Variants in EFCAB6 observed in about 807,000 individuals in gnomAD.
EFCAB6 encodes EF-hand calcium binding domain 6, also known as EF-hand calcium-binding domain-containing protein 6.
A neutral mutation model predicts 169.8 loss-of-function variants in EFCAB6; 156 were observed. That is an observed-to-expected ratio of 0.92 (90% CI 0.81 to 1.05). EFCAB6 has a LOEUF of 1.05. Among genes scored for constraint, EFCAB6 ranks in the 50% least tolerant of loss-of-function variants. The pLI is 0.00. For synonymous variants in EFCAB6, 698 were observed against 676.4 expected, an observed-to-expected ratio of 1.03 and a Z score of -0.50; for missense variants, 1,800 against 1,829.1, an observed-to-expected ratio of 0.98 and a Z score of 0.29.
chr22:43,772,752 A>G (rs2061514323), intron 4 of EFCAB6, 140 bp downstream of exon 4: 1 of 814,660 alleles, frequency 1.2e-6, no homozygotes, highest in Non-Finnish European at 1.9e-6. Context: ...ATCAGCCTTA[A>G]TTAACTGAAT....
At chr22:43,805,095 G>C (rs1358619787) in intron 2 of EFCAB6, among the ~76,000 whole-genome samples, 2 of 152,084 alleles carry the variant, frequency 1.3e-5, no homozygotes, top group Non-Finnish European at 2.9e-5. Flanking sequence ...GAAAAAGAAA[G>C]CAAGGAAGCA....
chr22:43,530,956 G>A lies in EFCAB6; in HGVS notation c.4242C>T (p.Ala1414=), dbSNP rs527255915. The A allele has an allele frequency of 5.0e-6, 8 of 1,614,020 alleles. No homozygotes were observed. Among genetic ancestry groups the A allele is most frequent in the Admixed American group, 3.3e-5 (2 of 60,004 alleles). The change falls in exon 31 of 32, where the codon GCC becomes GCT. Residue 1414 remains alanine (A), a synonymous_variant. Transcript: ENST00000262726. The stretch of plus-strand genomic sequence containing the variant: ...AGTAAAAAGATGGCGTCTCCGCGCC[G>A]GCTTCTTTCTAGACACAAGACAAGA... ...KIQNAHKMKE[A]GAETPSFYSA... is the part of the protein sequence containing the mutation.
chr22:43,683,654 G>T (rs770315353), intron 12 of EFCAB6, 93 bp downstream of exon 12: 4 of 913,740 alleles, frequency 4.4e-6, no homozygotes, highest in South Asian at 1.4e-5. Flanking sequence ...ATGGATAAAT[G>T]AACGAATATG....
At chr22:43,611,628 C>T (rs2053311538) in intron 21 of EFCAB6, among the ~76,000 whole-genome samples, 1 of 152,088 alleles carries the variant, frequency 6.6e-6, no homozygotes, top group Non-Finnish European at 1.5e-5. Context: ...GAAACCCTAT[C>T]TCCACAAAAA....
chr22:43,759,672 A>C (rs1398955915), intron 5 of EFCAB6: 1 of 152,180 alleles, frequency 6.6e-6, no homozygotes, highest in Non-Finnish European at 1.5e-5. Context: ...TTTTGCCCTT[A>C]CCAGCTCTCA....
At chr22:43,691,523 C>T (rs1400374574) in intron 10 of EFCAB6, among the ~76,000 whole-genome samples, 2 of 151,978 alleles carry the variant, frequency 1.3e-5, no homozygotes, top group African/African-American at 4.8e-5. Context: ...TAGGCATGCG[C>T]TTATCTGGTA....
chr22:43,683,535 C>T lies in EFCAB6; in HGVS notation c.1251+212G>A, dbSNP rs2058081119. On this transcript the variant is annotated intron_variant, in intron 12 of 31. Coordinates refer to ENST00000262726, the MANE Select transcript of EFCAB6 (RefSeq NM_022785.4). ...ATGTTACTGTATTGCAATTAATTTT[C>T]CATCGTCCGTCTTCCCAACTAGACT... The T allele has an allele frequency of 3.0e-5, 16 of 537,484 alleles. No homozygotes were observed. In the South Asian group the frequency reaches 4.0e-4, roughly 13 times the overall value. The allele number at this position is 537,484 out of a possible 1,614,324, so 33.3% of individuals were successfully genotyped here.
chr22:43,565,279 G>A (rs1055857007), intron 26 of EFCAB6, among the ~76,000 whole-genome samples: 1 of 152,244 alleles, frequency 6.6e-6, no homozygotes, highest in African/African-American at 2.4e-5. Flanking sequence ...AGATGGCAGA[G>A]CTTAGCCCAG....
intron 27 of EFCAB6, among the ~76,000 whole-genome samples, chr22:43,543,227 C>T (rs184561342): frequency 2.6e-5 from 4 of 152,158 alleles, no homozygotes; most frequent in Non-Finnish European, 5.9e-5. Flanking sequence ...TGGCAGTCAC[C>T]GAGGAGGGGA....
chr22:43,602,333 C>T (rs1421247385), intron 22 of EFCAB6, among the ~76,000 whole-genome samples: 1 of 152,230 alleles, frequency 6.6e-6, no homozygotes, highest in Non-Finnish European at 1.5e-5. Flanking sequence ...CAGAAAGAGG[C>T]CTGTGGGCTC....
intron 21 of EFCAB6, among the ~76,000 whole-genome samples, chr22:43,610,005 G>A (rs925042811): frequency 6.6e-6 from 1 of 152,120 alleles, no homozygotes; most frequent in Non-Finnish European, 1.5e-5. Context: ...AATGAGACTG[G>A]GTCCCTGCCT....
In EFCAB6 at chr22:43,569,895, C is replaced by T. The variant is rs909238513; in HGVS notation, c.3420+6402G>A. Among the ~76,000 whole-genome samples, 11 of 152,308 alleles carry T rather than the reference C, an allele frequency of 7.2e-5. No homozygotes were observed. The East Asian group carries it at 1.7e-3, about 24-fold the overall frequency. ...GTAATGCTAATATCTTAATAATTTACTTAATTTATTTACAATTATCTTAGA... is the reference window on the plus strand; with the variant it reads ...GTAATGCTAATATCTTAATAATTTATTTAATTTATTTACAATTATCTTAGA... On this transcript the variant is annotated intron_variant, in intron 26 of 31. Transcript: ENST00000262726.
At chr22:43,738,983 T>G (rs945121940) in intron 6 of EFCAB6, among the ~76,000 whole-genome samples, 1 of 152,162 alleles carries the variant, frequency 6.6e-6, no homozygotes, top group South Asian at 2.1e-4. Flanking sequence ...GGCAAGGAAG[T>G]GCTCCTGCCC....
chr22:43,648,150 C>T (rs2056281237), intron 17 of EFCAB6, among the ~76,000 whole-genome samples: 1 of 152,050 alleles, frequency 6.6e-6, no homozygotes. Flanking sequence ...TATATATCCT[C>T]ATTTAATCCT....
At chr22:43,634,716 C>T (rs2147914546) in intron 18 of EFCAB6, among the ~76,000 whole-genome samples, 1 of 152,194 alleles carries the variant, frequency 6.6e-6, no homozygotes, top group African/African-American at 2.4e-5. Flanking sequence ...ATAATCTCTG[C>T]AACCTTCTCT....
chr22:43,718,600 T>C (rs1244428252), intron 8 of EFCAB6, among the ~76,000 whole-genome samples: 1 of 152,130 alleles, frequency 6.6e-6, no homozygotes, highest in Non-Finnish European at 1.5e-5. Flanking sequence ...CTGGCCAACG[T>C]GGTGAAACCC....
intron 8 of EFCAB6, among the ~76,000 whole-genome samples, chr22:43,727,058 G>A (rs1218607303): frequency 1.3e-5 from 2 of 152,136 alleles, no homozygotes; most frequent in Non-Finnish European, 2.9e-5. Context: ...ACTTCTTATG[G>A]TATAATGTTG....
At chr22:43,640,338 G>C (rs546193593) in intron 17 of EFCAB6, among the ~76,000 whole-genome samples, 1 of 152,204 alleles carries the variant, frequency 6.6e-6, no homozygotes, top group South Asian at 2.1e-4. Flanking sequence ...TCATGTGTTC[G>C]AGCAGGCAGT....
chr22:43,602,774 A>C (rs556422811), intron 22 of EFCAB6, among the ~76,000 whole-genome samples: 1 of 152,172 alleles, frequency 6.6e-6, no homozygotes, highest in East Asian at 1.9e-4. Flanking sequence ...AAGTCAAAAG[A>C]ACCACAACCG....
Sources: gnomAD v4.1 joint callset for allele counts (sites outside exome capture counted in the v4.1 genomes callset) on GRCh38, gnomAD v4.1.1 for gene constraint, MANE v1.5 for transcripts, NCBI Gene and HGNC (gene_info 2026-07-23, HGNC 2026-07-21) for gene names.